Variants in LPP observed in about 807,000 individuals in gnomAD.
LPP encodes lipoma-preferred partner.
In LPP, 38 loss-of-function variants were observed where a neutral mutation model predicts 60.4. The observed-to-expected ratio is 0.63, with a 90% confidence interval of 0.49 to 0.83. The LOEUF (loss-of-function observed/expected upper bound fraction) is 0.83, where lower values mean the gene tolerates loss of function less well. LPP is among the 40% of genes least tolerant of loss of function. LPP has a pLI of 0.00. For missense variants in LPP, 902 were observed against 783.6 expected, an observed-to-expected ratio of 1.15 and a Z score of -1.80; for synonymous variants, 328 against 290.8, an observed-to-expected ratio of 1.13 and a Z score of -1.30.
intron 6 of LPP, among the ~76,000 whole-genome samples, chr3:188,594,428 G>T (rs1049187622): frequency 6.6e-6 from 1 of 152,124 alleles, no homozygotes; most frequent in Non-Finnish European, 1.5e-5. Flanking sequence ...GCAGTGGAGC[G>T]CTGTGTTCCA....
At chr3:188,174,329 A>G (rs1333237508) in intron 1 of LPP, among the ~76,000 whole-genome samples, 2 of 152,264 alleles carry the variant, frequency 1.3e-5, no homozygotes, top group Admixed American at 6.5e-5. Flanking sequence ...TTGGATCCCA[A>G]AACTTCTTAC....
At chr3:188,273,611 T>TTG in intron 2 of LPP, among the ~76,000 whole-genome samples, 1 of 145,210 alleles carries the variant, frequency 6.9e-6, no homozygotes, top group Non-Finnish European at 1.5e-5. Context: ...TTTTTTTTTT[T>TTG]TGAGACGGAG....
At chr3:188,197,924 G>T (rs1729994282) in intron 1 of LPP, among the ~76,000 whole-genome samples, 1 of 152,170 alleles carries the variant, frequency 6.6e-6, no homozygotes, top group African/African-American at 2.4e-5. Context: ...TTTGGATTTG[G>T]GTGGAAGGCC....
At chr3:188,434,886 C>A (rs1402306076) in intron 4 of LPP, among the ~76,000 whole-genome samples, 1 of 152,062 alleles carries the variant, frequency 6.6e-6, no homozygotes, top group Non-Finnish European at 1.5e-5. Context: ...TCTTTGTTTC[C>A]AAGATTTAGT....
At chr3:188,379,150 T>TG (rs1028102958) in intron 3 of LPP, among the ~76,000 whole-genome samples, 1 of 152,010 alleles carries the variant, frequency 6.6e-6, no homozygotes, top group Admixed American at 6.6e-5. Flanking sequence ...GATCCTGGTA[T>TG]GGAAACATAA....
intron 2 of LPP, among the ~76,000 whole-genome samples, chr3:188,335,621 A>T (rs1275944631): frequency 6.6e-6 from 1 of 151,912 alleles, no homozygotes; most frequent in African/African-American, 2.4e-5. Flanking sequence ...TCATATTGTG[A>T]ATTATTTTCT....
At chr3:188,703,449 G>A (rs1388671543) in intron 7 of LPP, among the ~76,000 whole-genome samples, 1 of 152,266 alleles carries the variant, frequency 6.6e-6, no homozygotes, top group East Asian at 1.9e-4. Flanking sequence ...AAAGTTTTAA[G>A]CTGTCTTCTT....
At chr3:188,688,843 G>C (rs368910045) in intron 7 of LPP, 1 of 524,722 alleles carries the variant, frequency 1.9e-6, no homozygotes, top group African/African-American at 2.0e-5. Context: ...CCACTAGATT[G>C]TGAGCTCCTG....
rs865850500 is a variant in LPP at position 188,397,327 on chromosome 3, A to G, written c.-9-8785A>G. On this transcript the variant is annotated intron_variant, in intron 3 of 11. Coordinates refer to ENST00000617246, the MANE Select transcript of LPP (RefSeq NM_001375462.1). Reference sequence around the variant, plus strand: ...ATACTCAAATTAGAAGACGTAAATTATTTCCTAAGATTTCTCCTAGCTGGG... The same window carrying G: ...ATACTCAAATTAGAAGACGTAAATTGTTTCCTAAGATTTCTCCTAGCTGGG... Among the ~76,000 whole-genome samples the G allele has an allele frequency of 1.2e-4, 18 of 152,270 alleles. No homozygotes were observed. The Middle Eastern group carries it at 0.017, about 144-fold the overall frequency.
intron 1 of LPP, among the ~76,000 whole-genome samples, chr3:188,164,412 C>G (rs1241721451): frequency 6.6e-6 from 1 of 152,174 alleles, no homozygotes; most frequent in Non-Finnish European, 1.5e-5. Context: ...AAATTCATTT[C>G]CATTATGCAG....
At chr3:188,799,663 A>G (rs1746414016) in intron 9 of LPP, among the ~76,000 whole-genome samples, 1 of 152,128 alleles carries the variant, frequency 6.6e-6, no homozygotes, top group Non-Finnish European at 1.5e-5. Flanking sequence ...TGTGCCTGTT[A>G]CCTTAATTTT....
At chr3:188,224,102 C>T (rs1024793992) in intron 1 of LPP, among the ~76,000 whole-genome samples, 2 of 152,250 alleles carry the variant, frequency 1.3e-5, no homozygotes, top group East Asian at 3.9e-4. Context: ...TGTGACCAAG[C>T]ACAAGTCCCT....
intron 1 of LPP, among the ~76,000 whole-genome samples, chr3:188,188,832 T>C (rs1727335702): frequency 6.6e-6 from 1 of 152,186 alleles, no homozygotes; most frequent in South Asian, 2.1e-4. Context: ...ATTTACTCTA[T>C]GGTTATGGAT....
intron 7 of LPP, among the ~76,000 whole-genome samples, chr3:188,695,170 A>G (rs1404423056): frequency 6.6e-6 from 1 of 152,236 alleles, no homozygotes; most frequent in Non-Finnish European, 1.5e-5. Flanking sequence ...CTAAGCACTC[A>G]GAATACCTTA....
At chr3:188,508,488 G>T (rs1814216019) in intron 5 of LPP, among the ~76,000 whole-genome samples, 1 of 152,220 alleles carries the variant, frequency 6.6e-6, no homozygotes, top group Middle Eastern at 3.2e-3. Context: ...ATGCTAATTT[G>T]TGGATATTGC....
intron 9 of LPP, among the ~76,000 whole-genome samples, chr3:188,812,433 T>G (rs1751258964): frequency 6.6e-6 from 1 of 152,132 alleles, no homozygotes; most frequent in African/African-American, 2.4e-5. Flanking sequence ...TAATGATGAA[T>G]GTAATCAGAA....
intron 6 of LPP, among the ~76,000 whole-genome samples, chr3:188,577,802 C>G (rs1486328655): frequency 8.0e-6 from 1 of 125,754 alleles, no homozygotes; most frequent in East Asian, 2.6e-4. Context: ...TCCCTCCCTC[C>G]CTCCTTCCTC....
intron 7 of LPP, among the ~76,000 whole-genome samples, chr3:188,640,317 A>G (rs1280377954): frequency 2.8e-5 from 4 of 145,230 alleles, no homozygotes; most frequent in African/African-American, 7.6e-5. Flanking sequence ...GAATTGAACA[A>G]TGAGATCACA....
At chr3:188,571,316 T>A (rs1416132325) in intron 6 of LPP, among the ~76,000 whole-genome samples, 1 of 152,078 alleles carries the variant, frequency 6.6e-6, no homozygotes, top group East Asian at 1.9e-4. Flanking sequence ...CACATGTATG[T>A]CCTAGTAGGT....
Sources: allele counts gnomAD v4.1 joint callset (sites outside exome capture counted in the v4.1 genomes callset), GRCh38; gene constraint gnomAD v4.1.1; transcripts MANE v1.5; gene names NCBI Gene and HGNC (gene_info 2026-07-23, HGNC 2026-07-21).